LHFPL4: variants seen among roughly 807,000 people sequenced by gnomAD.
LHFPL4 encodes LHFPL tetraspan subfamily member 4, also known as LHFPL tetraspan subfamily member 4 protein.
Under a neutral mutation model 20.0 loss-of-function variants are expected in LHFPL4, and 6 were observed. The ratio of observed to expected loss-of-function variants is 0.30; its 90% CI spans 0.16 to 0.59. The LOEUF (loss-of-function observed/expected upper bound fraction) is 0.59, where lower values mean the gene tolerates loss of function less well. Among genes scored for constraint, LHFPL4 ranks in the 20% least tolerant of loss-of-function variants. The probability of loss-of-function intolerance (pLI) is 0.88; values close to 1 mark genes in which losing one functional copy is unlikely to be tolerated. For missense variants in LHFPL4, 215 were observed against 331.2 expected, an observed-to-expected ratio of 0.65 and a Z score of 2.72; for synonymous variants, 129 against 143.8, an observed-to-expected ratio of 0.90 and a Z score of 0.74.
intron 3 of LHFPL4, among the ~76,000 whole-genome samples, chr3:9,504,471 A>G (rs756843575): frequency 4.6e-5 from 7 of 151,884 alleles, no homozygotes; most frequent in African/African-American, 7.3e-5. Flanking sequence ...CCCTTCCATC[A>G]TAACCACAGA....
intron 2 of LHFPL4, among the ~76,000 whole-genome samples, chr3:9,529,285 C>T (rs1447812418): frequency 6.6e-6 from 1 of 152,144 alleles, no homozygotes; most frequent in African/African-American, 2.4e-5. Flanking sequence ...CCTTGGCCTC[C>T]CAAAGTGCTG....
At chr3:9,530,972 C>T (rs535492362) in intron 2 of LHFPL4, among the ~76,000 whole-genome samples, 6 of 152,240 alleles carry the variant, frequency 3.9e-5, no homozygotes, top group Admixed American at 1.3e-4. Context: ...GAGGCCATAA[C>T]AGGGTTATTA....
At chr3:9,509,364 CCTCT>C (rs1459567866) in intron 2 of LHFPL4, among the ~76,000 whole-genome samples, 4 of 151,982 alleles carry the variant, frequency 2.6e-5, no homozygotes, top group East Asian at 1.9e-4. Context: ...ACTCCCTCCT[CCTCT>C]CTATTTCTTT....
chr3:9,513,865 C>T (rs139737308), intron 2 of LHFPL4, among the ~76,000 whole-genome samples: 1 of 152,138 alleles, frequency 6.6e-6, no homozygotes, highest in Admixed American at 6.5e-5. Flanking sequence ...GGTAGGACAT[C>T]TCCATTGGTT....
intron 2 of LHFPL4, among the ~76,000 whole-genome samples, chr3:9,516,608 A>T (rs1384314929): frequency 6.6e-6 from 1 of 151,374 alleles, no homozygotes; most frequent in Non-Finnish European, 1.5e-5. Context: ...TGAGTAGCTG[A>T]GACTACAGGC....
chr3:9,518,202 G>A (rs376704808), intron 2 of LHFPL4, among the ~76,000 whole-genome samples: 8 of 152,056 alleles, frequency 5.3e-5, no homozygotes, highest in South Asian at 2.1e-4. Flanking sequence ...TTATGTGATC[G>A]ATTACATTAA....
intron 2 of LHFPL4, among the ~76,000 whole-genome samples, chr3:9,534,379 T>C (rs1050122899): frequency 4.6e-5 from 7 of 152,204 alleles, no homozygotes; most frequent in African/African-American, 1.2e-4. Flanking sequence ...AAGCTCCTTA[T>C]GTGCTGGTGT....
chr3:9,538,903 T>G (rs917680924), intron 2 of LHFPL4, among the ~76,000 whole-genome samples: 1 of 151,944 alleles, frequency 6.6e-6, no homozygotes, highest in South Asian at 2.1e-4. Flanking sequence ...TTTCACCACA[T>G]TGGCCAGGCT....
intron 2 of LHFPL4, among the ~76,000 whole-genome samples, chr3:9,528,714 C>G (rs1454080135): frequency 2.0e-5 from 3 of 151,748 alleles, no homozygotes; most frequent in Non-Finnish European, 2.9e-5. Flanking sequence ...CTCCCGGGTT[C>G]AAGCAATTCT....
chr3:9,543,729 G>GTTTTTTTTTTTTT (rs58872967), intron 2 of LHFPL4, among the ~76,000 whole-genome samples: 5 of 119,662 alleles, frequency 4.2e-5, no homozygotes, highest in South Asian at 5.5e-4. Context: ...TTTGGTTTTG[G>GTTTTTTTTTTTTT]TTTTTTTTTT....
At chr3:9,537,360 G>A (rs1436490578) in intron 2 of LHFPL4, among the ~76,000 whole-genome samples, 1 of 152,180 alleles carries the variant, frequency 6.6e-6, no homozygotes, top group Admixed American at 6.5e-5. Flanking sequence ...GTTTTGGAGG[G>A]GGGTACTGTT....
At chr3:9,518,961 A>T (rs527829428) in intron 2 of LHFPL4, among the ~76,000 whole-genome samples, 2 of 143,062 alleles carry the variant, frequency 1.4e-5, no homozygotes, top group East Asian at 4.0e-4. Context: ...TTAGAGACAG[A>T]GTCTCTCTCT....
At chr3:9,530,078 G>A (rs938550213) in intron 2 of LHFPL4, among the ~76,000 whole-genome samples, 2 of 152,040 alleles carry the variant, frequency 1.3e-5, no homozygotes, top group Non-Finnish European at 2.9e-5. Context: ...ATTCTTAAGG[G>A]CCCTAGAATT....
At chr3:9,525,318 C>T (rs893040481) in intron 2 of LHFPL4, among the ~76,000 whole-genome samples, 5 of 152,180 alleles carry the variant, frequency 3.3e-5, no homozygotes, top group Non-Finnish European at 7.3e-5. Context: ...ACACAGCCTC[C>T]AGCAATTTGT....
chr3:9,524,218 G>C (rs1210771020), intron 2 of LHFPL4, among the ~76,000 whole-genome samples: 2 of 148,746 alleles, frequency 1.3e-5, no homozygotes, highest in East Asian at 3.9e-4. Context: ...TTGTTTGTTT[G>C]TTTGCTTTTT....
At chr3:9,514,292 C>T (rs915367278) in intron 2 of LHFPL4, among the ~76,000 whole-genome samples, 19 of 152,092 alleles carry the variant, frequency 1.2e-4, no homozygotes, top group Admixed American at 5.9e-4. Flanking sequence ...AAAATAAAGG[C>T]AGTCAAGGTA....
intron 2 of LHFPL4, among the ~76,000 whole-genome samples, chr3:9,513,006 T>C (rs1346190085): frequency 6.6e-6 from 1 of 152,222 alleles, no homozygotes; most frequent in Non-Finnish European, 1.5e-5. Flanking sequence ...TCGCCCAGGC[T>C]GGAGTGCAGT....
At chr3:9,541,817 C>T (rs962635968) in intron 2 of LHFPL4, among the ~76,000 whole-genome samples, 1 of 151,968 alleles carries the variant, frequency 6.6e-6, no homozygotes, top group Non-Finnish European at 1.5e-5. Flanking sequence ...AGAGCCAAAA[C>T]GACAAAACCT....
At chr3:9,547,830 G>A (rs2046525788) in intron 2 of LHFPL4, among the ~76,000 whole-genome samples, 1 of 127,016 alleles carries the variant, frequency 7.9e-6, no homozygotes, top group African/African-American at 2.8e-5. Flanking sequence ...TATTGAGACA[G>A]GGTCTCACTC....
Sources: gnomAD v4.1 joint callset for allele counts (sites outside exome capture counted in the v4.1 genomes callset) on GRCh38, gnomAD v4.1.1 for gene constraint, MANE v1.5 for transcripts, NCBI Gene and HGNC (gene_info 2026-07-23, HGNC 2026-07-21) for gene names.